GPC5: variants seen among roughly 807,000 people sequenced by gnomAD.
GPC5 encodes the protein glypican 5, also known as glypican-5.
Under a neutral mutation model 53.9 loss-of-function variants are expected in GPC5, and 47 were observed. That is an observed-to-expected ratio of 0.87 (90% CI 0.69 to 1.11). GPC5 has a LOEUF of 1.11. Ranked by LOEUF, GPC5 falls within the 50% of genes most tolerant of loss-of-function variation. The pLI is 0.00. For missense variants in GPC5, 748 were observed against 713.1 expected (o/e 1.05, Z -0.56); for synonymous variants, 286 against 263.3 (o/e 1.09, Z -0.84).
chr13:92,094,930 C>G (rs2041410373), intron 6 of GPC5, among the ~76,000 whole-genome samples: 1 of 151,882 alleles, frequency 6.6e-6, no homozygotes, highest in Admixed American at 6.6e-5. Flanking sequence ...TTTGGCTTGT[C>G]CTTTTTATTC....
At chr13:92,319,204 G>A (rs768464457) in intron 7 of GPC5, among the ~76,000 whole-genome samples, 2 of 152,134 alleles carry the variant, frequency 1.3e-5, no homozygotes, top group Non-Finnish European at 2.9e-5. Flanking sequence ...TTTCTAACAA[G>A]TGAGGATTTG....
intron 6 of GPC5, among the ~76,000 whole-genome samples, chr13:92,105,813 T>C (rs2041505056): frequency 6.6e-6 from 1 of 152,074 alleles, no homozygotes; most frequent in Non-Finnish European, 1.5e-5. Flanking sequence ...AAAAATTATC[T>C]TTTGTACAAA....
At chr13:91,509,376 G>T (rs928669974) in intron 2 of GPC5, among the ~76,000 whole-genome samples, 1 of 63,422 alleles carries the variant, frequency 1.6e-5, no homozygotes, top group Non-Finnish European at 5.4e-5. Flanking sequence ...CTTCAATTAG[G>T]TCTTTAAAAG....
At chr13:92,639,541 A>C (rs978510010) in intron 7 of GPC5, among the ~76,000 whole-genome samples, 3 of 152,196 alleles carry the variant, frequency 2.0e-5, no homozygotes, top group African/African-American at 7.2e-5. Flanking sequence ...GTACTACTCA[A>C]GGTTTGTTCA....
intron 6 of GPC5, among the ~76,000 whole-genome samples, chr13:92,041,229 A>G (rs1016939285): frequency 6.6e-6 from 1 of 152,206 alleles, no homozygotes; most frequent in Non-Finnish European, 1.5e-5. Context: ...AAAAAGTTGC[A>G]TTTTTCAAGA....
At chr13:92,436,107 A>G (rs1193164408) in intron 7 of GPC5, among the ~76,000 whole-genome samples, 2 of 152,168 alleles carry the variant, frequency 1.3e-5, no homozygotes, top group Non-Finnish European at 2.9e-5. Flanking sequence ...CATCTAGTCA[A>G]ATAAGACTCT....
intron 6 of GPC5, among the ~76,000 whole-genome samples, chr13:91,916,959 T>C (rs1379743877): frequency 6.6e-6 from 1 of 152,214 alleles, no homozygotes; most frequent in East Asian, 1.9e-4. Context: ...ACCATATGAT[T>C]CTGCCCCTGG....
intron 7 of GPC5, among the ~76,000 whole-genome samples, chr13:92,509,002 A>G (rs1880471635): frequency 6.6e-6 from 1 of 152,208 alleles, no homozygotes; most frequent in African/African-American, 2.4e-5. Context: ...AGATAGAGAA[A>G]AACCTGTGCT....
At chr13:91,407,010 G>T (rs1402130677) in intron 1 of GPC5, among the ~76,000 whole-genome samples, 1 of 152,204 alleles carries the variant, frequency 6.6e-6, no homozygotes, top group South Asian at 2.1e-4. Flanking sequence ...CTATTTGAGA[G>T]CAGGATCTGT....
At chr13:92,227,053 C>G (rs1312041698) in intron 7 of GPC5, among the ~76,000 whole-genome samples, 1 of 152,202 alleles carries the variant, frequency 6.6e-6, no homozygotes, top group Non-Finnish European at 1.5e-5. Flanking sequence ...GTCTCCTCCT[C>G]AGCCTTGAGT....
intron 6 of GPC5, among the ~76,000 whole-genome samples, chr13:91,939,665 A>T (rs1594675878): frequency 6.6e-6 from 1 of 152,136 alleles, no homozygotes; most frequent in East Asian, 1.9e-4. Flanking sequence ...ATGTTAAAGG[A>T]TTTATTGGTT....
At chr13:91,498,457 T>A (rs1429604437) in intron 2 of GPC5, among the ~76,000 whole-genome samples, 3 of 151,922 alleles carry the variant, frequency 2.0e-5, no homozygotes, top group Non-Finnish European at 4.4e-5. Flanking sequence ...GGTCCGCATG[T>A]GATGGTTTAT....
chr13:92,677,297 G>A (rs889864116), intron 7 of GPC5, among the ~76,000 whole-genome samples: 3 of 151,984 alleles, frequency 2.0e-5, no homozygotes, highest in Non-Finnish European at 4.4e-5. Flanking sequence ...TTTTATTTAT[G>A]TCACAAAAGA....
chr13:91,524,430 A>G, intron 2 of GPC5, among the ~76,000 whole-genome samples: 1 of 152,258 alleles, frequency 6.6e-6, no homozygotes, highest in Middle Eastern at 3.4e-3. Flanking sequence ...ATATTTACCT[A>G]TATATTTTTT....
intron 7 of GPC5, among the ~76,000 whole-genome samples, chr13:92,842,448 G>T (rs1050300796): frequency 6.6e-6 from 1 of 152,038 alleles, no homozygotes; most frequent in East Asian, 1.9e-4. Context: ...CCAAGTTTAC[G>T]GCAAGCAGTA....
At chr13:91,586,100 G>A (rs1033225181) in intron 2 of GPC5, among the ~76,000 whole-genome samples, 1 of 147,834 alleles carries the variant, frequency 6.8e-6, no homozygotes. Flanking sequence ...TGTCTTGCAT[G>A]TACTGTCCTT....
intron 7 of GPC5, among the ~76,000 whole-genome samples, chr13:92,471,479 G>C (rs953063040): frequency 6.6e-6 from 1 of 152,028 alleles, no homozygotes; most frequent in Non-Finnish European, 1.5e-5. Flanking sequence ...CCTATTTATA[G>C]GTAAGCCATC....
At chr13:92,733,305 G>A (rs113411348) in intron 7 of GPC5, among the ~76,000 whole-genome samples, 117 of 151,758 alleles carry the variant, frequency 7.7e-4, no homozygotes, top group Middle Eastern at 3.4e-3. Flanking sequence ...TGCCTTATTA[G>A]ATTAGATTTT....
intron 7 of GPC5, among the ~76,000 whole-genome samples, chr13:92,390,943 G>A (rs1427310423): frequency 4.6e-5 from 7 of 151,854 alleles, no homozygotes; most frequent in Middle Eastern, 3.4e-3. Context: ...TTTTAAATCT[G>A]ATAATTAGAA....
Sources: allele counts gnomAD v4.1 joint callset (sites outside exome capture counted in the v4.1 genomes callset), GRCh38; gene constraint gnomAD v4.1.1; transcripts MANE v1.5; gene names NCBI Gene and HGNC (gene_info 2026-07-23, HGNC 2026-07-21).